The following TTC6 variants were observed in gnomAD, a reference collection of about 807,000 sequenced individuals.
TTC6 encodes the protein tetratricopeptide repeat protein 6.
TTC6 carries 172 observed loss-of-function variants against 210.4 expected under a neutral mutation model. The observed-to-expected ratio is 0.82, with a 90% CI of 0.72 to 0.93. The LOEUF (loss-of-function observed/expected upper bound fraction) is 0.93, where lower values mean the gene tolerates loss of function less well. Among genes scored for constraint, TTC6 ranks in the 40% least tolerant of loss-of-function variants. The probability of loss-of-function intolerance (pLI) is 0.00; values close to 1 mark genes in which losing one functional copy is unlikely to be tolerated. For missense variants in TTC6, 2,414 were observed against 2,318.1 expected, an observed-to-expected ratio of 1.04 and a Z score of -0.85; for synonymous variants, 804 against 819.6, an observed-to-expected ratio of 0.98 and a Z score of 0.32.
At chr14:37,789,347 T>TTA (rs58115750) in intron 15 of TTC6, among the ~76,000 whole-genome samples, 7 of 151,316 alleles carry the variant, frequency 4.6e-5, no homozygotes, top group African/African-American at 1.5e-4. Context: ...AGAGTTTTTT[T>TTA]ATTGTTTGTT....
chr14:37,697,556 A>G (rs1026769480), intron 4 of TTC6, among the ~76,000 whole-genome samples: 1 of 152,166 alleles, frequency 6.6e-6, no homozygotes, highest in Non-Finnish European at 1.5e-5. Context: ...ACTGAAAGGT[A>G]TGCTGGACAT....
At chr14:37,628,790 G>A (rs2095664592) in intron 1 of TTC6, among the ~76,000 whole-genome samples, 1 of 152,164 alleles carries the variant, frequency 6.6e-6, no homozygotes, top group Admixed American at 6.5e-5. Context: ...TGTATAAGGT[G>A]CAAGGAAGGG....
At chr14:37,650,498 A>G (rs1395205952) in intron 1 of TTC6, among the ~76,000 whole-genome samples, 2 of 152,178 alleles carry the variant, frequency 1.3e-5, no homozygotes, top group Non-Finnish European at 2.9e-5. Context: ...GCTTGGCTAC[A>G]TTGTTTGTAA....
chr14:37,710,550 G>C (rs985944580), intron 5 of TTC6, among the ~76,000 whole-genome samples: 6 of 152,030 alleles, frequency 3.9e-5, no homozygotes, highest in African/African-American at 1.4e-4. Context: ...AACAATAATG[G>C]TTGTAATATC....
At chr14:37,766,210 C>T (rs2095998874) in intron 14 of TTC6, among the ~76,000 whole-genome samples, 2 of 152,156 alleles carry the variant, frequency 1.3e-5, no homozygotes, top group Admixed American at 6.5e-5. Context: ...TTGGTTGTTT[C>T]TTTTTTTAAC....
intron 13 of TTC6, among the ~76,000 whole-genome samples, chr14:37,752,578 A>G (rs1230298356): frequency 2.0e-5 from 3 of 151,912 alleles, no homozygotes; most frequent in Non-Finnish European, 4.4e-5. Context: ...CTTTTCTACT[A>G]ACAATAGGTG....
rs953499740 is a variant in TTC6, at chr14:37,640,246, AT to A, written c.939+17253del. On this transcript the variant is annotated intron_variant, in intron 1 of 30. Coordinates refer to ENST00000553443, the Ensembl canonical transcript of TTC6. ...TTAGTACAGGTGCTACCCAGAAATG[AT>A]TTTTTTTTTGCTTGTTTGCATAATT... 4.5e-3 allele frequency among the ~76,000 whole-genome samples: 664 copies of A among 149,084 alleles called. 7 individuals are homozygous for A. The highest frequency in any genetic ancestry group is 0.015 in the African/African-American group (598 of 40,752).
At chr14:37,609,413 C>CTCAA (rs546177686) in intron 2 of TTC6, among the ~76,000 whole-genome samples, 152 of 152,224 alleles carry the variant, frequency 1.0e-3, no homozygotes, top group South Asian at 6.2e-3. Flanking sequence ...GAGACCCTGT[C>CTCAA]TCAATCAATC....
chr14:37,794,684 A>G (rs1030480773), intron 17 of TTC6, among the ~76,000 whole-genome samples: 1 of 151,836 alleles, frequency 6.6e-6, no homozygotes, highest in African/African-American at 2.4e-5. Context: ...CCTTATTTTT[A>G]AGTGGAATAG....
chr14:37,837,350 T>G (rs1301376944), intron 29 of TTC6: 2 of 450,956 alleles, frequency 4.4e-6, no homozygotes, highest in African/African-American at 2.0e-5. Context: ...GCTTGGAGTC[T>G]TTCCCTTGAC....
chr14:37,808,171 G>A (rs888900198), intron 23 of TTC6, among the ~76,000 whole-genome samples: 2 of 151,970 alleles, frequency 1.3e-5, no homozygotes, highest in Admixed American at 6.6e-5. Flanking sequence ...ATCTTTCTTT[G>A]TAGCTATTTT....
intron 1 of TTC6, among the ~76,000 whole-genome samples, chr14:37,670,966 T>G (rs2095757116): frequency 6.6e-6 from 1 of 152,176 alleles, no homozygotes; most frequent in African/African-American, 2.4e-5. Flanking sequence ...CTTTTTAAAG[T>G]TATTTATTTC....
At chr14:37,768,366 C>T (rs1386616777) in intron 14 of TTC6, among the ~76,000 whole-genome samples, 1 of 151,620 alleles carries the variant, frequency 6.6e-6, no homozygotes, top group Non-Finnish European at 1.5e-5. Context: ...ATGGGGATGG[C>T]ATTGAATCTA....
intron 20 of TTC6, among the ~76,000 whole-genome samples, chr14:37,803,687 AG>A (rs2096112073): frequency 6.6e-6 from 1 of 152,178 alleles, no homozygotes; most frequent in South Asian, 2.1e-4. Flanking sequence ...TAGCTCTGCA[AG>A]GAATGAGAAA....
intron 14 of TTC6, among the ~76,000 whole-genome samples, chr14:37,784,909 G>A (rs1201851060): frequency 1.3e-5 from 2 of 152,142 alleles, no homozygotes; most frequent in Non-Finnish European, 2.9e-5. Context: ...ATGAAATTCT[G>A]GGTTGAAAAT....
At chr14:37,797,799 C>T (rs530155331) in intron 20 of TTC6, among the ~76,000 whole-genome samples, 3 of 152,026 alleles carry the variant, frequency 2.0e-5, no homozygotes, top group African/African-American at 7.2e-5. Context: ...CCATTTAAGA[C>T]CCTACTCTAT....
chr14:37,714,528 A>G (rs1470271465), intron 5 of TTC6, 127 bp from the exon 8 acceptor site: 5 of 616,390 alleles, frequency 8.1e-6, no homozygotes, highest in Non-Finnish European at 1.0e-5. Context: ...ACTTCTACAC[A>G]ATCTCTGTTT....
rs545014260 is a variant in TTC6, at chr14:37,668,796, A to C, written c.940-11355A>C. Among the ~76,000 whole-genome samples the C allele has an allele frequency of 2.6e-5, 4 of 152,312 alleles. No homozygotes were observed. The South Asian group carries it at 6.2e-4, about 24-fold the overall frequency. On this transcript the variant is annotated intron_variant, in intron 1 of 30. Coordinates refer to ENST00000553443, the Ensembl canonical transcript of TTC6. Reference sequence around the variant, plus strand: ...ACACCAGCAATCCACTGAATTTTAAAATTTCCTGAACATACCATGTCTGTT... The same window carrying C: ...ACACCAGCAATCCACTGAATTTTAACATTTCCTGAACATACCATGTCTGTT...
At chr14:37,647,322 G>A (rs2095703417) in intron 1 of TTC6, among the ~76,000 whole-genome samples, 1 of 152,198 alleles carries the variant, frequency 6.6e-6, no homozygotes, top group South Asian at 2.1e-4. Context: ...GGTAAAGGAA[G>A]GAAGATAGGC....
Sources: allele counts gnomAD v4.1 joint callset (sites outside exome capture counted in the v4.1 genomes callset), GRCh38; gene constraint gnomAD v4.1.1; transcripts MANE v1.5; gene names NCBI Gene and HGNC (gene_info 2026-07-23, HGNC 2026-07-21).